The following FAM78B variants were observed in gnomAD, a reference collection of about 807,000 sequenced individuals.
FAM78B encodes the protein protein FAM78B.
A neutral mutation model predicts 20.0 loss-of-function variants in FAM78B; 10 were observed. The observed-to-expected ratio is 0.50, with a 90% CI of 0.31 to 0.85. The LOEUF is 0.85. Among genes scored for constraint, FAM78B ranks in the 40% least tolerant of loss-of-function variants. The probability of loss-of-function intolerance (pLI) is 0.05; values close to 1 mark genes in which losing one functional copy is unlikely to be tolerated. For synonymous variants in FAM78B, 135 were observed against 132.8 expected, an observed-to-expected ratio of 1.02 and a Z score of -0.12; for missense variants, 283 against 345.0, an observed-to-expected ratio of 0.82 and a Z score of 1.42.
rs565340862 is a variant in FAM78B, at chr1:166,154,983, A to G, written c.263+11003T>C. 7.9e-5 allele frequency among the ~76,000 whole-genome samples: 12 copies of G among 152,294 alleles called. No homozygotes were observed. In the South Asian group the frequency reaches 2.5e-3, roughly 32 times the overall value. Reference sequence around the variant, plus strand: ...ACCCTGCTGTGACTGGTAGCTGGTAACAGTCACCTGTGAGGTAGCTGAAAG... The same window carrying G: ...ACCCTGCTGTGACTGGTAGCTGGTAGCAGTCACCTGTGAGGTAGCTGAAAG... On this transcript the variant is annotated intron_variant, in intron 1 of 1. Coordinates refer to ENST00000354422, the MANE Select transcript of FAM78B (RefSeq NM_001017961.5).
intron 1 of FAM78B, among the ~76,000 whole-genome samples, chr1:166,130,755 A>G (rs1285341792): frequency 6.6e-6 from 1 of 152,156 alleles, no homozygotes; most frequent in African/African-American, 2.4e-5. Flanking sequence ...CCCAAGATAG[A>G]ACAACTATTT....
chr1:166,081,357 T>A (rs1244802040), intron 1 of FAM78B: 1 of 152,138 alleles, frequency 6.6e-6, no homozygotes, highest in African/African-American at 2.4e-5. Context: ...CCCAGCTGGG[T>A]TCTCAGAGTC....
chr1:166,132,231 A>T (rs900886506), intron 1 of FAM78B, among the ~76,000 whole-genome samples: 4 of 152,074 alleles, frequency 2.6e-5, no homozygotes, highest in African/African-American at 9.7e-5. Context: ...AGCTGAAAGG[A>T]TATGTTTTGG....
chr1:166,126,950 G>A (rs1654666706), intron 1 of FAM78B, among the ~76,000 whole-genome samples: 1 of 152,124 alleles, frequency 6.6e-6, no homozygotes, highest in South Asian at 2.1e-4. Context: ...AACCAACTTA[G>A]GCACAGTAGG....
At chr1:166,160,817 G>A (rs1656119964) in intron 1 of FAM78B, among the ~76,000 whole-genome samples, 1 of 152,216 alleles carries the variant, frequency 6.6e-6, no homozygotes, top group Non-Finnish European at 1.5e-5. Context: ...AATTTACACT[G>A]TAATGGACAA....
chr1:166,165,918 G>C lies in FAM78B; in HGVS notation c.263+68C>G, dbSNP rs558128562. On this transcript the variant is annotated intron_variant, in intron 1 of 1. Coordinates refer to ENST00000354422, the MANE Select transcript of FAM78B (RefSeq NM_001017961.5). ...CAGCAGTAGGAAGGAGCTGGGGAGG[G>C]GGGTCAAGGTGGCAAGCAGAGCTGG... 3 of 1,590,594 alleles carry C rather than the reference G, an allele frequency of 1.9e-6. No homozygotes were observed. The Admixed American group carries it at 5.0e-5, about 27-fold the overall frequency.
chr1:166,084,952 C>T (rs1266516327), intron 1 of FAM78B, among the ~76,000 whole-genome samples: 1 of 152,210 alleles, frequency 6.6e-6, no homozygotes, highest in Non-Finnish European at 1.5e-5. Context: ...ACACCTAATG[C>T]CTTTCTTCTT....
chr1:166,148,061 C>T (rs1220360359), intron 1 of FAM78B: 2 of 152,190 alleles, frequency 1.3e-5, no homozygotes, highest in African/African-American at 4.8e-5. Flanking sequence ...GTTAATCTAA[C>T]ACTTCAACTT....
intron 1 of FAM78B, among the ~76,000 whole-genome samples, chr1:166,094,416 G>A (rs1322847865): frequency 6.6e-6 from 1 of 152,202 alleles, no homozygotes; most frequent in Non-Finnish European, 1.5e-5. Flanking sequence ...CCACTGTGAA[G>A]TGTGCATGCA....
At chr1:166,078,927 GTTTT>G (rs11345450) in intron 1 of FAM78B, among the ~76,000 whole-genome samples, 5 of 135,350 alleles carry the variant, frequency 3.7e-5, no homozygotes, top group African/African-American at 1.4e-4. Flanking sequence ...GGCCTTACAT[GTTTT>G]TTTTTTTTTT....
chr1:166,147,207 G>T (rs528190205), intron 1 of FAM78B, among the ~76,000 whole-genome samples: 2 of 152,352 alleles, frequency 1.3e-5, no homozygotes, highest in African/African-American at 4.8e-5. Context: ...GGAAAGGCTG[G>T]TTGTGTGTGT....
chr1:166,105,355 G>T (rs1365008043), intron 1 of FAM78B, among the ~76,000 whole-genome samples: 1 of 151,998 alleles, frequency 6.6e-6, no homozygotes, highest in African/African-American at 2.4e-5. Flanking sequence ...ATTGACAAAT[G>T]GGATCTAATT....
intron 1 of FAM78B, among the ~76,000 whole-genome samples, chr1:166,109,856 A>ATGTCTGTG (rs1261998155): frequency 1.0e-4 from 2 of 19,374 alleles, no homozygotes; most frequent in Non-Finnish European, 1.3e-4. Flanking sequence ...ATATATATAT[A>ATGTCTGTG]TATATGTATG....
intron 1 of FAM78B, among the ~76,000 whole-genome samples, chr1:166,073,536 C>CTTTT (rs201582992): frequency 1.5e-5 from 2 of 135,784 alleles, no homozygotes; most frequent in Admixed American, 7.4e-5. Context: ...CTCTTTCTCT[C>CTTTT]TTTTTTTTTT....
chr1:166,132,086 C>T (rs1557911716), intron 1 of FAM78B, among the ~76,000 whole-genome samples: 1 of 152,192 alleles, frequency 6.6e-6, no homozygotes, highest in South Asian at 2.1e-4. Flanking sequence ...CAGCAGATAC[C>T]TCTACAGTAA....
chr1:166,094,008 T>C (rs1320736901), intron 1 of FAM78B, among the ~76,000 whole-genome samples: 1 of 139,448 alleles, frequency 7.2e-6, no homozygotes, highest in Admixed American at 7.0e-5. Context: ...AATGACTGTG[T>C]GTGTGTGTGT....
At chr1:166,146,951 C>G (rs1235664820) in intron 1 of FAM78B, among the ~76,000 whole-genome samples, 1 of 152,174 alleles carries the variant, frequency 6.6e-6, no homozygotes, top group African/African-American at 2.4e-5. Flanking sequence ...CAGGTCTGAT[C>G]CTCACATCAC....
downstream of FAM78B, among the ~76,000 whole-genome samples, chr1:166,069,004 C>T (rs1283918650): frequency 6.6e-6 from 1 of 152,152 alleles, no homozygotes; most frequent in African/African-American, 2.4e-5. Context: ...GCTTGCTTAA[C>T]ATGAGTAGCT....
At chr1:166,119,410 T>TA (rs1448560871) in intron 1 of FAM78B, among the ~76,000 whole-genome samples, 2 of 152,072 alleles carry the variant, frequency 1.3e-5, no homozygotes, top group African/African-American at 2.4e-5. Flanking sequence ...ACGCACATGG[T>TA]AAAAAACAAG....
Sources: allele counts gnomAD v4.1 joint callset (sites outside exome capture counted in the v4.1 genomes callset), GRCh38; gene constraint gnomAD v4.1.1; transcripts MANE v1.5; gene names NCBI Gene and HGNC (gene_info 2026-07-23, HGNC 2026-07-21).